Variants in TET3 observed in about 807,000 individuals in gnomAD.
TET3 encodes the protein tet methylcytosine dioxygenase 3.
In TET3, 19 loss-of-function variants were observed where a neutral mutation model predicts 141.4. That is an observed-to-expected ratio of 0.13 (90% CI 0.09 to 0.20). The LOEUF is 0.20. TET3 is among the 10% of genes least tolerant of loss of function. The pLI, the probability that TET3 is intolerant of heterozygous loss-of-function variation, is 1.00. For missense variants in TET3, 1,874 were observed against 2,356.9 expected (o/e 0.80, Z 4.24); for synonymous variants, 1,043 against 980.9 (o/e 1.06, Z -1.18).
At chr2:74,084,408 C>T (rs1689998238) in intron 6 of TET3, among the ~76,000 whole-genome samples, 1 of 151,988 alleles carries the variant, frequency 6.6e-6, no homozygotes, top group Admixed American at 6.6e-5. Flanking sequence ...GGGCAGCTCA[C>T]CTGAGATCAG....
Position 74,100,938 on chromosome 2 carries a change from C to T in TET3, c.4150C>T (p.Pro1384Ser). The T allele has an allele frequency of 1.2e-6, 2 of 1,611,024 alleles. No homozygotes were observed. Among genetic ancestry groups the T allele is most frequent in the South Asian group, 1.1e-5 (1 of 90,370 alleles). The part of the protein sequence containing the change: ...LLHSVSRDPS[P>S]FAQSSNCYNR... The stretch of plus-strand genomic sequence containing the variant: ...CCACTCAGTGTCCAGGGACCCCTCC[C>T]CCTTTGCCCAGAGCTCCAACTGCTA... Residue 1384 changes from proline (P) to serine (S), a missense_variant, in exon 12 of 12, where the codon CCC becomes TCC. Coordinates refer to ENST00000409262, the MANE Select transcript of TET3 (RefSeq NM_001287491.2).
At chr2:74,055,252 C>G (rs541307240) in intron 4 of TET3, among the ~76,000 whole-genome samples, 1 of 152,044 alleles carries the variant, frequency 6.6e-6, no homozygotes, top group Non-Finnish European at 1.5e-5. Context: ...TGGCAAGTAC[C>G]CTTCATATTT....
At chr2:74,006,876 A>G (rs1019003293) in intron 3 of TET3, among the ~76,000 whole-genome samples, 5 of 152,336 alleles carry the variant, frequency 3.3e-5, no homozygotes, top group Admixed American at 2.0e-4. Flanking sequence ...AAGGAGATAC[A>G]TTAGGAAGCC....
intron 10 of TET3, among the ~76,000 whole-genome samples, chr2:74,094,210 T>A (rs1690671920): frequency 6.6e-6 from 1 of 152,060 alleles, no homozygotes; most frequent in Non-Finnish European, 1.5e-5. Context: ...AGGGGACGTT[T>A]AAGTTGAGAT....
intron 2 of TET3, among the ~76,000 whole-genome samples, chr2:73,996,907 A>G (rs1199834666): frequency 2.6e-5 from 4 of 152,198 alleles, no homozygotes; most frequent in Non-Finnish European, 5.9e-5. Flanking sequence ...GGCCACAGGT[A>G]TGGGGGTTTG....
chr2:74,124,934 A>G, the TET3 span, among the ~76,000 whole-genome samples: 6 of 151,870 alleles, frequency 4.0e-5, no homozygotes, highest in African/African-American at 9.7e-5. Flanking sequence ...ATACTAAAAA[A>G]AAAAAAGAAA....
At chr2:74,088,383 C>G (rs1690275427) in intron 7 of TET3, among the ~76,000 whole-genome samples, 1 of 152,156 alleles carries the variant, frequency 6.6e-6, no homozygotes, top group African/African-American at 2.4e-5. Context: ...TGGTCCATGC[C>G]TATAATCCCA....
chr2:74,127,694 G>GTT, the TET3 span, among the ~76,000 whole-genome samples: 148 of 148,026 alleles, frequency 1.0e-3, no homozygotes, highest in Admixed American at 1.6e-3. Flanking sequence ...ATTCTGTGAG[G>GTT]TTTTTTTTTT....
At chr2:74,036,525 T>A (rs1687064884) in intron 3 of TET3, among the ~76,000 whole-genome samples, 1 of 152,218 alleles carries the variant, frequency 6.6e-6, no homozygotes. Context: ...CTTGTTTACT[T>A]TTACATTTCC....
chr2:74,063,872 A>C (rs1323909643), intron 4 of TET3, among the ~76,000 whole-genome samples: 1 of 150,590 alleles, frequency 6.6e-6, no homozygotes, highest in African/African-American at 2.5e-5. Flanking sequence ...CACCCTGGGC[A>C]ACAAAGCCCA....
In TET3 at chr2:74,100,597, C is replaced by T; in HGVS notation, c.3809C>T (p.Thr1270Ile). 1.2e-6 allele frequency: 2 copies of T among 1,613,968 alleles called. No homozygotes were observed. The highest frequency in any genetic ancestry group is 1.7e-6 in the Non-Finnish European group (2 of 1,179,866). ...TCCTACTATGCACAGCCCAGCCTGACCTCCGTCAATGGCTTCCACTCCAAG... is the reference window on the plus strand; with the variant it reads ...TCCTACTATGCACAGCCCAGCCTGATCTCCGTCAATGGCTTCCACTCCAAG... ...YHSYYAQPSL[T>I]SVNGFHSKYA... The change falls in exon 12 of 12, where the codon ACC (threonine) becomes ATC (isoleucine). Residue 1270 changes from threonine (T) to isoleucine (I), a missense_variant. By Grantham distance (89) the Thr-to-Ile change is moderately conservative. Transcript: ENST00000409262.
At chr2:74,061,467 A>G (rs1366063453) in intron 4 of TET3, among the ~76,000 whole-genome samples, 136 of 87,044 alleles carry the variant, frequency 1.6e-3, no homozygotes, top group African/African-American at 3.6e-3. Context: ...AGGGCGGGGG[A>G]CTGACCCCCC....
intron 5 of TET3, 110 bp from the exon 6 acceptor site, chr2:74,080,388 G>T (rs887638119): frequency 3.3e-6 from 3 of 918,076 alleles, no homozygotes; most frequent in Non-Finnish European, 5.1e-6. Context: ...TGTTGCCCCC[G>T]ACGGTAACCA....
At position 74,100,376 on chromosome 2, in the gene TET3, G is replaced by A. The variant is rs1339925816; in HGVS notation, c.3605-17G>A. 6.4e-6 allele frequency: 10 copies of A among 1,552,424 alleles called. No individual in the cohort carries two copies. Among genetic ancestry groups the A allele is most frequent in the Non-Finnish European group, 8.7e-6 (10 of 1,146,884 alleles). On this transcript the variant is annotated splice_polypyrimidine_tract_variant and intron_variant, in intron 11 of 11. Transcript: ENST00000409262. ...GTGTTGTCTGCCCCTCTGCCATCTTGCCTTCTGTTTCCCCAGGCCTGTCTC... is the reference window on the plus strand; with the variant it reads ...GTGTTGTCTGCCCCTCTGCCATCTTACCTTCTGTTTCCCCAGGCCTGTCTC...
rs775995735 is a variant in TET3 at position 74,102,057 on chromosome 2, A to G, written c.5269A>G (p.Lys1757Glu). The G allele has an allele frequency of 1.3e-6, 2 of 1,530,142 alleles. No homozygotes were observed. 94.8% of individuals were successfully genotyped at this position (1,530,142 alleles called of 1,614,324 possible). ...GGTVVAEPQQKEKKGVVPTRQ... is the reference protein window; with the variant it reads ...GGTVVAEPQQEEKKGVVPTRQ... ...CACTGTGGTTGCTGAGCCCCAGCAG[A>G]AAGAGAAGAAGGGGGTCGTCCCCAC... Residue 1757 changes from lysine to glutamate, a missense_variant, in exon 12 of 12, where the codon AAA (lysine) becomes GAA (glutamate). Coordinates refer to ENST00000409262, the MANE Select transcript of TET3 (RefSeq NM_001287491.2).
intron 4 of TET3, among the ~76,000 whole-genome samples, chr2:74,052,557 A>C (rs1158702888): frequency 1.5e-5 from 1 of 65,762 alleles, no homozygotes; most frequent in Non-Finnish European, 3.0e-5. Flanking sequence ...TCCTATAGCC[A>C]AAAAAAAAAA....
intron 3 of TET3, among the ~76,000 whole-genome samples, chr2:74,045,735 T>C (rs1389917416): frequency 6.6e-6 from 1 of 152,146 alleles, no homozygotes. Flanking sequence ...GAGGACAGTT[T>C]TAGGGGGAGA....
At chr2:74,131,851 G>A in the TET3 span, among the ~76,000 whole-genome samples, 3 of 149,804 alleles carry the variant, frequency 2.0e-5, no homozygotes, top group Admixed American at 2.0e-4. Context: ...TTTCTAATCC[G>A]TCAATTAAAA....
Position 74,047,774 on chromosome 2 carries a change from C to G in TET3, c.1857C>G (p.Pro619=), listed in dbSNP as rs754373862. 1 of 1,613,782 alleles carries G rather than the reference C, an allele frequency of 6.2e-7. No individual in the cohort carries two copies. Among genetic ancestry groups the G allele is most frequent in the Admixed American group, 1.7e-5 (1 of 60,014 alleles). ...IKKSRPREAQ[P]LFPPVRQIVL... The stretch of plus-strand genomic sequence containing the variant: ...AGTCCAGGCCCCGGGAAGCACAGCC[C>G]CTCTTCCCACCTGTCCGACAGATTG... The change falls in exon 4 of 12, where the codon CCC becomes CCG. Residue 619 remains proline (P), a synonymous_variant. Coordinates refer to ENST00000409262, the MANE Select transcript of TET3 (RefSeq NM_001287491.2).
Sources: allele counts gnomAD v4.1 joint callset (sites outside exome capture counted in the v4.1 genomes callset), GRCh38; gene constraint gnomAD v4.1.1; transcripts MANE v1.5; gene names NCBI Gene and HGNC (gene_info 2026-07-23, HGNC 2026-07-21).